The following LRP1B variants were observed in gnomAD, a reference collection of about 807,000 sequenced individuals.
The protein encoded by LRP1B is low-density lipoprotein receptor-related protein 1B.
LRP1B carries 217 observed loss-of-function variants against 556.6 expected under a neutral mutation model. The observed-to-expected ratio is 0.39, with a 90% CI of 0.35 to 0.44. The LOEUF is 0.44. Ranked by LOEUF, LRP1B falls within the 20% of genes least tolerant of loss-of-function variation. The pLI is 1.00. For synonymous variants in LRP1B, 2,047 were observed against 1,865.8 expected (o/e 1.10, Z -2.50); for missense variants, 5,053 against 5,620.8 (o/e 0.90, Z 3.23).
At chr2:140,349,756 A>G (rs1439413572) in intron 77 of LRP1B, among the ~76,000 whole-genome samples, 5 of 152,104 alleles carry the variant, frequency 3.3e-5, no homozygotes, top group Admixed American at 3.3e-4. Flanking sequence ...AGAGCTAACG[A>G]AAGTTAATGT....
intron 7 of LRP1B, among the ~76,000 whole-genome samples, chr2:141,154,018 A>C (rs899166387): frequency 6.6e-6 from 1 of 151,876 alleles, no homozygotes; most frequent in Admixed American, 6.6e-5. Context: ...ATTATGTTGC[A>C]GAGACAAGCT....
chr2:140,274,656 G>T, intron 84 of LRP1B, 58 bp from the exon 85 acceptor site: 1 of 1,438,646 alleles, frequency 7.0e-7, no homozygotes, highest in Non-Finnish European at 9.5e-7. Context: ...TTTTTCTTCA[G>T]TCATAATTAA....
chr2:140,577,825 A>C (rs985122611), intron 43 of LRP1B, among the ~76,000 whole-genome samples: 2 of 152,152 alleles, frequency 1.3e-5, no homozygotes, highest in African/African-American at 4.8e-5. Flanking sequence ...TTCAAATTTT[A>C]GTCATATATA....
intron 20 of LRP1B, among the ~76,000 whole-genome samples, chr2:140,929,448 G>A (rs990134915): frequency 6.6e-5 from 10 of 152,024 alleles, no homozygotes; most frequent in Non-Finnish European, 5.9e-5. Flanking sequence ...ATAAAATTTT[G>A]TGTAATGTGT....
intron 2 of LRP1B, among the ~76,000 whole-genome samples, chr2:141,795,103 A>G (rs1695758501): frequency 6.6e-6 from 1 of 152,112 alleles, no homozygotes; most frequent in Non-Finnish European, 1.5e-5. Flanking sequence ...AAGCTAATTG[A>G]TCAACAGTGT....
chr2:141,541,824 AT>A (rs1210908109), intron 2 of LRP1B, among the ~76,000 whole-genome samples: 2 of 152,082 alleles, frequency 1.3e-5, no homozygotes, highest in African/African-American at 4.8e-5. Context: ...CTCCATTATT[AT>A]TTTTTAATGT....
intron 3 of LRP1B, among the ~76,000 whole-genome samples, chr2:141,478,420 A>G (rs1295878756): frequency 6.6e-6 from 1 of 152,228 alleles, no homozygotes; most frequent in African/African-American, 2.4e-5. Flanking sequence ...ACTGAGTTGA[A>G]TAAAATTAGG....
intron 1 of LRP1B, among the ~76,000 whole-genome samples, chr2:142,093,187 A>T (rs1202867087): frequency 1.3e-5 from 2 of 152,076 alleles, no homozygotes; most frequent in Non-Finnish European, 2.9e-5. Flanking sequence ...TAAAACTAAC[A>T]TTGTGTAGAA....
chr2:140,642,935 T>C (rs1684354955), intron 41 of LRP1B, among the ~76,000 whole-genome samples: 1 of 152,218 alleles, frequency 6.6e-6, no homozygotes, highest in African/African-American at 2.4e-5. Flanking sequence ...TCTCTGTTCA[T>C]ATGCACATAT....
intron 53 of LRP1B, among the ~76,000 whole-genome samples, chr2:140,505,390 C>T (rs921329186): frequency 6.6e-6 from 1 of 152,168 alleles, no homozygotes; most frequent in Non-Finnish European, 1.5e-5. Flanking sequence ...CACAGGATTT[C>T]CTCTTACTAA....
rs72849575 is a variant in LRP1B at position 141,041,230 on chromosome 2, G to A, written c.1789+7756C>T. Among the ~76,000 whole-genome samples, 1,408 of 152,162 alleles carry A rather than the reference G, an allele frequency of 9.3e-3. 16 individuals carry two copies. The highest frequency in any genetic ancestry group is 0.013 in the Non-Finnish European group (889 of 67,994). On this transcript the variant is annotated intron_variant, in intron 11 of 90. Coordinates refer to ENST00000389484, the MANE Select transcript of LRP1B (RefSeq NM_018557.3). ...AGTCAGTATATCAGTATAGCAAGGG[G>A]GTAGGAGCACAGACTCTGCCAGTTT...
chr2:141,275,254 CAAG>C (rs1685242940), intron 3 of LRP1B, among the ~76,000 whole-genome samples: 1 of 152,034 alleles, frequency 6.6e-6, no homozygotes, highest in African/African-American at 2.4e-5. Flanking sequence ...AGATAATATA[CAAG>C]GAGGTGAAAA....
chr2:141,088,478 G>C lies in LRP1B; in HGVS notation c.1014-26205C>G, dbSNP rs148559758. 2.0e-3 allele frequency among the ~76,000 whole-genome samples: 310 copies of C among 152,210 alleles called. 2 individuals carry two copies. Among genetic ancestry groups the C allele is most frequent in the African/African-American group, 6.2e-3 (257 of 41,524 alleles). On this transcript the variant is annotated intron_variant, in intron 7 of 90. Transcript: ENST00000389484. ...GCTTGAAAATGACGGCTTGAGACCA[G>C]GAGATTTACCAGAGAAACACACCTG...
chr2:141,469,817 G>C (rs1479543907), intron 3 of LRP1B, among the ~76,000 whole-genome samples: 1 of 151,950 alleles, frequency 6.6e-6, no homozygotes, highest in African/African-American at 2.4e-5. Context: ...CACTTTCCAG[G>C]GTTTGACGGG....
Position 140,840,904 on chromosome 2 carries a change from A to AT in LRP1B, c.5114+13_5114+14insA, listed in dbSNP as rs35745624. The AT allele has an allele frequency of 0.99, 1,549,611 of 1,557,688 alleles. 770,936 individuals carry two copies. Among genetic ancestry groups the AT allele is most frequent in the East Asian group, 1 (43,898 of 43,964 alleles). On this transcript the variant is annotated intron_variant, in intron 30 of 90. Coordinates refer to ENST00000389484, the MANE Select transcript of LRP1B (RefSeq NM_018557.3). ...AAATTTTGGAAAAACTTTAAAAAAA[A>AT]AATCATACTTTACCCCCTGACTGGG... is the stretch of plus-strand genomic sequence containing the variant.
intron 67 of LRP1B, among the ~76,000 whole-genome samples, chr2:140,381,844 A>T (rs931223221): frequency 6.7e-6 from 1 of 148,928 alleles, no homozygotes; most frequent in Non-Finnish European, 1.5e-5. Flanking sequence ...CCTGGGCAAC[A>T]AAGTGAGGCT....
At chr2:140,653,141 T>C (rs1208966219) in intron 41 of LRP1B, among the ~76,000 whole-genome samples, 3 of 152,060 alleles carry the variant, frequency 2.0e-5, no homozygotes, top group Non-Finnish European at 2.9e-5. Context: ...CTATATGGAA[T>C]ATCCTCAAAA....
At chr2:142,056,410 C>G (rs904820027) in intron 1 of LRP1B, among the ~76,000 whole-genome samples, 3 of 151,984 alleles carry the variant, frequency 2.0e-5, no homozygotes, top group Non-Finnish European at 2.9e-5. Flanking sequence ...AGTCACAAAA[C>G]ACACCCATCA....
chr2:140,411,611 C>A (rs1233888320), intron 66 of LRP1B, among the ~76,000 whole-genome samples: 1 of 152,012 alleles, frequency 6.6e-6, no homozygotes, highest in African/African-American at 2.4e-5. Context: ...GGTGACAAAA[C>A]CGCAATTAGG....
Sources: allele counts gnomAD v4.1 joint callset (sites outside exome capture counted in the v4.1 genomes callset), GRCh38; gene constraint gnomAD v4.1.1; transcripts MANE v1.5; gene names NCBI Gene and HGNC (gene_info 2026-07-23, HGNC 2026-07-21).